VPS13B: variants seen among roughly 807,000 people sequenced by gnomAD.
VPS13B encodes intermembrane lipid transfer protein VPS13B.
A neutral mutation model predicts 426.4 loss-of-function variants in VPS13B; 285 were observed. The observed-to-expected ratio is 0.67, with a 90% CI of 0.61 to 0.74. The LOEUF (loss-of-function observed/expected upper bound fraction) is 0.74, where lower values mean the gene tolerates loss of function less well. Among genes scored for constraint, VPS13B ranks in the 30% least tolerant of loss-of-function variants. The pLI is 0.00. For synonymous variants in VPS13B, 1,676 were observed against 1,676.4 expected (o/e 1.00, Z 0.01); for missense variants, 4,537 against 4,782.6 (o/e 0.95, Z 1.51).
At chr8:99,254,546 T>G (rs1817656204) in intron 17 of VPS13B, among the ~76,000 whole-genome samples, 3 of 151,852 alleles carry the variant, frequency 2.0e-5, no homozygotes, top group Admixed American at 2.0e-4. Flanking sequence ...GCTCAGTTTC[T>G]TAATGTTTAG....
At chr8:99,566,226 TACTG>T (rs1442646575) in intron 31 of VPS13B, among the ~76,000 whole-genome samples, 1 of 152,190 alleles carries the variant, frequency 6.6e-6, no homozygotes, top group African/African-American at 2.4e-5. Context: ...TTAGTGTAGT[TACTG>T]ACTGATATAG....
chr8:99,791,364 T>C (rs1318547928), intron 43 of VPS13B, among the ~76,000 whole-genome samples: 2 of 152,072 alleles, frequency 1.3e-5, no homozygotes, highest in Non-Finnish European at 2.9e-5. Context: ...CACAAACAAG[T>C]ATGAGCCAGC....
At chr8:99,532,442 C>G (rs1328697591) in intron 30 of VPS13B, among the ~76,000 whole-genome samples, 1 of 151,926 alleles carries the variant, frequency 6.6e-6, no homozygotes, top group African/African-American at 2.4e-5. Flanking sequence ...AAAGGTGTAC[C>G]CTGTTCTGTG....
chr8:99,823,756 C>A (rs1026130402), intron 50 of VPS13B, 76 bp from the exon 51 acceptor site: 17 of 1,482,518 alleles, frequency 1.1e-5, no homozygotes, highest in Middle Eastern at 2.4e-4. Context: ...GATAAAATAA[C>A]CTTTTAGGAA....
At chr8:99,368,762 T>C (rs1813020856) in intron 19 of VPS13B, among the ~76,000 whole-genome samples, 1 of 152,180 alleles carries the variant, frequency 6.6e-6, no homozygotes. Flanking sequence ...TTTCCTTAAA[T>C]GCACACTTGA....
At chr8:99,255,319 T>G (rs1354578318) in intron 17 of VPS13B, among the ~76,000 whole-genome samples, 1 of 152,230 alleles carries the variant, frequency 6.6e-6, no homozygotes, top group East Asian at 1.9e-4. Context: ...TTGGAGCATT[T>G]TTATAATGGC....
intron 21 of VPS13B, among the ~76,000 whole-genome samples, chr8:99,431,265 C>T (rs923797297): frequency 3.3e-5 from 5 of 152,110 alleles, no homozygotes; most frequent in African/African-American, 7.2e-5. Context: ...ATAAATAGAA[C>T]GTTACTATCA....
At chr8:99,592,495 G>T (rs1460520427) in intron 33 of VPS13B, among the ~76,000 whole-genome samples, 3 of 151,864 alleles carry the variant, frequency 2.0e-5, no homozygotes, top group African/African-American at 7.3e-5. Flanking sequence ...CTACAGATGG[G>T]GTTTTGGTAT....
chr8:99,811,898 T>G (rs1177779091), intron 44 of VPS13B, among the ~76,000 whole-genome samples: 3 of 152,158 alleles, frequency 2.0e-5, no homozygotes, highest in Non-Finnish European at 4.4e-5. Flanking sequence ...CATAGCCCTA[T>G]ATACCATATT....
In VPS13B at chr8:99,038,482, A is replaced by G. The variant is rs772922484; in HGVS notation, c.207A>G (p.Val69=). ...ATATTCATGAATTGAGGATTCATGT[A>G]CCATGGACAAAACTGGGTTCAGAAC... ...SGHIHELRIH[V]PWTKLGSEPV... is the part of the protein sequence containing the mutation. The change falls in exon 3 of 62, where the codon GTA becomes GTG. Residue 69 remains valine (V), a synonymous_variant. Transcript: ENST00000357162. 1.9e-6 allele frequency: 3 copies of G among 1,612,306 alleles called. No individual in the cohort carries two copies. Among genetic ancestry groups the G allele is most frequent in the Admixed American group, 1.7e-5 (1 of 59,972 alleles).
chr8:99,724,578 C>T (rs549585530), intron 39 of VPS13B, among the ~76,000 whole-genome samples: 23 of 152,230 alleles, frequency 1.5e-4, no homozygotes, highest in African/African-American at 3.9e-4. Context: ...GTTTCCTCAA[C>T]TGAACATTGG....
intron 36 of VPS13B, among the ~76,000 whole-genome samples, chr8:99,713,383 T>G (rs1033961114): frequency 6.6e-6 from 1 of 152,180 alleles, no homozygotes; most frequent in African/African-American, 2.4e-5. Context: ...TCTTTTGCTT[T>G]AATTTTGACC....
intron 32 of VPS13B, among the ~76,000 whole-genome samples, chr8:99,576,500 CA>C (rs555633296): frequency 3.7e-4 from 53 of 142,850 alleles, no homozygotes; most frequent in East Asian, 3.4e-3. Flanking sequence ...ATTGTTTAAC[CA>C]AAAAAAAAAG....
At chr8:99,586,595 A>C (rs867230511) in intron 33 of VPS13B, among the ~76,000 whole-genome samples, 5 of 152,226 alleles carry the variant, frequency 3.3e-5, no homozygotes, top group Middle Eastern at 3.4e-3. Flanking sequence ...ATGCATGTTA[A>C]ATTTGAGTGG....
chr8:99,720,205 A>C (rs1393015980), intron 37 of VPS13B, 140 bp from the exon 38 acceptor site: 1 of 702,278 alleles, frequency 1.4e-6, no homozygotes, highest in Non-Finnish European at 2.3e-6. Context: ...TAAGTCAATT[A>C]CTTTTTAGGA....
At chr8:99,742,427 A>G (rs1451387571) in intron 39 of VPS13B, among the ~76,000 whole-genome samples, 2 of 152,182 alleles carry the variant, frequency 1.3e-5, no homozygotes, top group Non-Finnish European at 2.9e-5. Context: ...TCCTTCTGAA[A>G]CTATTCCAAT....
intron 15 of VPS13B, among the ~76,000 whole-genome samples, chr8:99,165,534 T>G (rs1811953032): frequency 6.6e-6 from 1 of 152,222 alleles, no homozygotes; most frequent in Non-Finnish European, 1.5e-5. Flanking sequence ...CTTATTCATA[T>G]GGATCAGCTG....
chr8:99,050,820 C>G (rs866025224), intron 3 of VPS13B, among the ~76,000 whole-genome samples: 1 of 152,214 alleles, frequency 6.6e-6, no homozygotes, highest in Non-Finnish European at 1.5e-5. Flanking sequence ...CTTTTGGCTG[C>G]ATTAATGTCT....
At chr8:99,600,371 G>T (rs948504564) in intron 33 of VPS13B, among the ~76,000 whole-genome samples, 1 of 152,114 alleles carries the variant, frequency 6.6e-6, no homozygotes, top group Non-Finnish European at 1.5e-5. Context: ...AGAATATATT[G>T]GTTAGAAGCA....
Sources: allele counts gnomAD v4.1 joint callset (sites outside exome capture counted in the v4.1 genomes callset), GRCh38; gene constraint gnomAD v4.1.1; transcripts MANE v1.5; gene names NCBI Gene and HGNC (gene_info 2026-07-23, HGNC 2026-07-21).